Variants in HIBCH observed in about 807,000 individuals in gnomAD.
HIBCH encodes the protein 3-hydroxyisobutyryl-CoA hydrolase.
Under a neutral mutation model 58.2 loss-of-function variants are expected in HIBCH, and 50 were observed. The observed-to-expected ratio is 0.86, with a 90% confidence interval of 0.68 to 1.09. HIBCH has a LOEUF of 1.09. HIBCH is among the 50% of genes least tolerant of loss of function. HIBCH has a pLI of 0.00. For missense variants in HIBCH, 450 were observed against 449.7 expected, an observed-to-expected ratio of 1.00 and a Z score of -0.01; for synonymous variants, 151 against 146.9, an observed-to-expected ratio of 1.03 and a Z score of -0.20.
At chr2:190,319,556 G>T (rs1248389491) in intron 1 of HIBCH, among the ~76,000 whole-genome samples, 160 bp downstream of exon 1, 1 of 152,188 alleles carries the variant, frequency 6.6e-6, no homozygotes, top group Non-Finnish European at 1.5e-5. Context: ...AGACAGGGAC[G>T]GGGGCTGGGG....
At chr2:190,294,494 A>C in intron 4 of HIBCH, 52 bp downstream of exon 4, 1 of 1,129,872 alleles carries the variant, frequency 8.9e-7, no homozygotes, top group Non-Finnish European at 1.4e-6. Flanking sequence ...ACAATACTTG[A>C]TCAGTTCTAG....
chr2:190,207,625 A>C lies in HIBCH; in HGVS notation c.1045+1255T>G, dbSNP rs1473112229. On this transcript the variant is annotated intron_variant, in intron 13 of 13. Transcript: ENST00000359678. This position sits in a 1 kb window ranked among gnomAD's most constrained non-coding sequence, Gnocchi z 4.5. The stretch of plus-strand genomic sequence containing the variant: ...GCTGGGCACGGTGGCTCATGCCTGT[A>C]ATCACAGCACTTTGGGAGTCCAAGG... 6.6e-6 allele frequency among the ~76,000 whole-genome samples: 1 copy of C among 152,226 alleles called. No homozygotes were observed. Among genetic ancestry groups the C allele is most frequent in the Non-Finnish European group, 1.5e-5 (1 of 68,034 alleles).
At chr2:190,230,917 A>C (rs1686077258) in intron 11 of HIBCH, among the ~76,000 whole-genome samples, 1 of 152,222 alleles carries the variant, frequency 6.6e-6, no homozygotes, top group Admixed American at 6.5e-5. Context: ...ATCTCTCATA[A>C]ACATAATGCA....
chr2:190,311,146 A>C (rs1017550948), intron 1 of HIBCH: 9 of 425,620 alleles, frequency 2.1e-5, no homozygotes, highest in Non-Finnish European at 3.5e-5. Context: ...ACGAAACTTA[A>C]ATGCATACAT....
chr2:190,285,010 A>C (rs922128156), intron 6 of HIBCH, among the ~76,000 whole-genome samples: 2 of 152,182 alleles, frequency 1.3e-5, no homozygotes, highest in African/African-American at 4.8e-5. Context: ...CATTACCTCA[A>C]AACATTCATT....
chr2:190,200,129 T>C (rs777387815), downstream of HIBCH: 5 of 1,613,830 alleles, frequency 3.1e-6, no homozygotes, highest in Non-Finnish European at 4.2e-6. Context: ...ATTCCATACA[T>C]TGAGAGTGAG....
intron 4 of HIBCH, among the ~76,000 whole-genome samples, chr2:190,292,287 C>T (rs1687979315): frequency 6.6e-6 from 1 of 151,838 alleles, no homozygotes; most frequent in South Asian, 2.1e-4. Flanking sequence ...TTCCATATGT[C>T]GACTTCTTTT....
At chr2:190,227,534 C>T (rs1001726975) in intron 11 of HIBCH, among the ~76,000 whole-genome samples, 1 of 152,110 alleles carries the variant, frequency 6.6e-6, no homozygotes, top group African/African-American at 2.4e-5. Flanking sequence ...ACTAAATCAC[C>T]AAAAACAATG....
intron 8 of HIBCH, chr2:190,250,378 A>G (rs1467203062): frequency 2.1e-6 from 1 of 470,054 alleles, no homozygotes; most frequent in South Asian, 1.6e-5. Context: ...CACTTACCAT[A>G]CTTTACCTCT....
At chr2:190,203,575 ATTG>A (rs796842549), downstream of HIBCH, 62 of 153,708 alleles carry the variant, frequency 4.0e-4, no homozygotes, top group African/African-American at 1.4e-3. Context: ...CATTTTCTGC[ATTG>A]TTAACAAATA....
chr2:190,293,731 GA>G (rs920129094), intron 4 of HIBCH, among the ~76,000 whole-genome samples: 1 of 151,128 alleles, frequency 6.6e-6, no homozygotes, highest in Non-Finnish European at 1.5e-5. Flanking sequence ...AAAACACAAA[GA>G]AAAAAACCAT....
In HIBCH at chr2:190,291,038, C is replaced by A. The variant is rs542405062; in HGVS notation, c.305-553G>T. Among the ~76,000 whole-genome samples, 22 of 152,202 alleles carry A rather than the reference C, an allele frequency of 1.4e-4. No homozygotes were observed. In the East Asian group the frequency reaches 4.3e-3, roughly 29 times the overall value. ...TAAAAAAAATAATAATATATTGCAA[C>A]AAGCTACATTTTCTTTTGATTATTT... On this transcript the variant is annotated intron_variant, in intron 4 of 13. Coordinates refer to ENST00000359678, the MANE Select transcript of HIBCH (RefSeq NM_014362.4).
intron 2 of HIBCH, among the ~76,000 whole-genome samples, chr2:190,299,753 T>A (rs1688212817): frequency 1.3e-5 from 2 of 152,204 alleles, no homozygotes; most frequent in Non-Finnish European, 2.9e-5. Flanking sequence ...TGGGGGTTTG[T>A]TGTACAGACT....
rs1016931017 is a variant in HIBCH at position 190,304,938 on chromosome 2, T to C, written c.78+5816A>G. On this transcript the variant is annotated intron_variant, in intron 2 of 13. Coordinates refer to ENST00000359678, the MANE Select transcript of HIBCH (RefSeq NM_014362.4). This position sits in a 1 kb window ranked among gnomAD's most constrained non-coding sequence, Gnocchi z 4.1. ...TGCTTTAGTAAAAAAAGTGTTAGAA[T>C]TGAAGCACAAAAAATCCTGGGTTCT... Among the ~76,000 whole-genome samples, 3 of 150,224 alleles carry C rather than the reference T, an allele frequency of 2.0e-5. No individual in the cohort carries two copies. The highest frequency in any genetic ancestry group is 6.7e-5 in the Admixed American group (1 of 14,882).
rs572835729 is a variant in HIBCH, at chr2:190,266,959, G to A, written c.439-5725C>T. On this transcript the variant is annotated intron_variant, in intron 6 of 13. Coordinates refer to ENST00000359678, the MANE Select transcript of HIBCH (RefSeq NM_014362.4). ...TTTAGTAGAGATGGGGTTTCACCACGTTGGCTAGGCTGGTCTCAAACTCCT... is the reference window on the plus strand; with the variant it reads ...TTTAGTAGAGATGGGGTTTCACCACATTGGCTAGGCTGGTCTCAAACTCCT... 5.9e-5 allele frequency among the ~76,000 whole-genome samples: 9 copies of A among 151,856 alleles called. No homozygotes were observed. In the East Asian group the frequency reaches 1.7e-3, roughly 29 times the overall value.
chr2:190,291,277 C>A (rs1016479881), intron 4 of HIBCH, among the ~76,000 whole-genome samples: 2 of 152,184 alleles, frequency 1.3e-5, no homozygotes, highest in Non-Finnish European at 2.9e-5. Flanking sequence ...GACAGCAACA[C>A]AAGATGGCTG....
intron 11 of HIBCH, among the ~76,000 whole-genome samples, chr2:190,231,088 A>T (rs1686081976): frequency 6.6e-6 from 1 of 152,228 alleles, no homozygotes; most frequent in Non-Finnish European, 1.5e-5. Context: ...TTTTGACAAA[A>T]GACACCAATG....
chr2:190,240,112 G>A (rs1485649090), intron 11 of HIBCH, among the ~76,000 whole-genome samples: 2 of 152,220 alleles, frequency 1.3e-5, no homozygotes, highest in Admixed American at 6.5e-5. Context: ...GAATTCGGCT[G>A]TGAATCCATC....
In HIBCH at chr2:190,290,452, A is replaced by G; in HGVS notation, c.338T>C (p.Ile113Thr). 1 of 1,612,528 alleles carries G rather than the reference A, an allele frequency of 6.2e-7. No individual in the cohort carries two copies. The highest frequency in any genetic ancestry group is 8.5e-7 in the Non-Finnish European group (1 of 1,178,976). The change falls in exon 5 of 14, where the codon ATA (isoleucine) becomes ACA (threonine). Residue 113 changes from isoleucine to threonine, a missense_variant. Physicochemically the swap from Ile to Thr is moderately conservative, Grantham distance 89. Coordinates refer to ENST00000359678, the MANE Select transcript of HIBCH (RefSeq NM_014362.4). ...ISEAEKAKQKIAPVFFREEYM... is the reference protein window; with the variant it reads ...ISEAEKAKQKTAPVFFREEYM... ...TTCTTCTCTGAAGAAAACTGGAGCT[A>G]TCTTCTGTTTTGCCTTTTCAGCTTC...
Sources: gnomAD v4.1 joint callset for allele counts (sites outside exome capture counted in the v4.1 genomes callset) on GRCh38, gnomAD v4.1.1 for gene constraint, Gnocchi (gnomAD v3.1) non-coding constraint, MANE v1.5 for transcripts, NCBI Gene and HGNC (gene_info 2026-07-23, HGNC 2026-07-21) for gene names.